The following FBXL17 variants were observed in gnomAD, a reference collection of about 807,000 sequenced individuals.
FBXL17 encodes F-box and leucine rich repeat protein 17.
In FBXL17, 22 loss-of-function variants were observed where a neutral mutation model predicts 66.2. The ratio of observed to expected loss-of-function variants is 0.33; its 90% confidence interval spans 0.24 to 0.47. FBXL17 has a LOEUF of 0.47. Ranked by LOEUF, FBXL17 falls within the 20% of genes least tolerant of loss-of-function variation. FBXL17 has a pLI of 1.00. For synonymous variants in FBXL17, 474 were observed against 400.5 expected (o/e 1.18, Z -2.19); for missense variants, 878 against 948.2 (o/e 0.93, Z 0.97).
intron 4 of FBXL17, among the ~76,000 whole-genome samples, chr5:108,240,830 C>T (rs981002786): frequency 3.9e-5 from 6 of 152,126 alleles, no homozygotes; most frequent in Non-Finnish European, 7.4e-5. Context: ...CTTGTGTCAC[C>T]CCTCCCCCAG....
In FBXL17 at chr5:108,371,536, A is replaced by G. The variant is rs192914150; in HGVS notation, c.994-3583T>C. Reference sequence around the variant, plus strand: ...GCTACAGTTTGCTGGCCCATTCACAAGAAAAAAGGAAATGAAAAGAAACTG... The same window carrying G: ...GCTACAGTTTGCTGGCCCATTCACAGGAAAAAAGGAAATGAAAAGAAACTG... On this transcript the variant is annotated intron_variant, in intron 1 of 8. Transcript: ENST00000542267. Among the ~76,000 whole-genome samples, 1,414 of 152,318 alleles carry G rather than the reference A, an allele frequency of 9.3e-3. 13 individuals are homozygous for G. The highest frequency in any genetic ancestry group is 0.013 in the Non-Finnish European group (907 of 68,032).
chr5:108,102,933 G>T (rs940355103), intron 6 of FBXL17, among the ~76,000 whole-genome samples: 7 of 152,028 alleles, frequency 4.6e-5, no homozygotes, highest in African/African-American at 1.7e-4. Flanking sequence ...ACACTGTAAA[G>T]CATAGTTGAC....
intron 6 of FBXL17, among the ~76,000 whole-genome samples, chr5:108,140,142 C>G (rs1751295972): frequency 6.6e-6 from 1 of 152,060 alleles, no homozygotes; most frequent in Non-Finnish European, 1.5e-5. Flanking sequence ...GCCTCCTGGG[C>G]TCAAGCAATC....
chr5:108,117,378 C>T lies in FBXL17; in HGVS notation c.1745+68739G>A, dbSNP rs557113221. 1.6e-4 allele frequency among the ~76,000 whole-genome samples: 24 copies of T among 152,048 alleles called. No individual in the cohort carries two copies. The South Asian group carries it at 4.8e-3, about 30-fold the overall frequency. ...GTTTAATAGAATTTAGTCTCTCAAA[C>T]GTATAAGCTAACTGATTGCTAATTA... On this transcript the variant is annotated intron_variant, in intron 6 of 8. Coordinates refer to ENST00000542267, the MANE Select transcript of FBXL17 (RefSeq NM_001163315.3).
intron 8 of FBXL17, 68 bp from the exon 9 acceptor site, chr5:107,861,928 T>C: frequency 7.2e-7 from 1 of 1,384,768 alleles, no homozygotes; most frequent in Non-Finnish European, 9.5e-7. Flanking sequence ...CCACGCTCAC[T>C]GATGTGCTGC....
At chr5:107,942,126 T>C (rs1751124842) in intron 7 of FBXL17, among the ~76,000 whole-genome samples, 1 of 152,182 alleles carries the variant, frequency 6.6e-6, no homozygotes, top group Non-Finnish European at 1.5e-5. Flanking sequence ...CGTACACAGC[T>C]GGATGTAGGC....
At chr5:108,159,434 G>A (rs966995602) in intron 6 of FBXL17, among the ~76,000 whole-genome samples, 1 of 152,170 alleles carries the variant, frequency 6.6e-6, no homozygotes, top group Non-Finnish European at 1.5e-5. Flanking sequence ...ATGGTATTGG[G>A]AGATGGGGCC....
chr5:107,888,916 G>C (rs987269685), intron 7 of FBXL17, among the ~76,000 whole-genome samples: 11 of 152,142 alleles, frequency 7.2e-5, no homozygotes, highest in African/African-American at 2.7e-4. Flanking sequence ...AACTGCTAAA[G>C]TGTTTTCCCA....
At chr5:108,354,985 G>T (rs1009441096) in intron 3 of FBXL17, among the ~76,000 whole-genome samples, 5 of 151,932 alleles carry the variant, frequency 3.3e-5, no homozygotes, top group African/African-American at 1.2e-4. Context: ...GAGGGAATTT[G>T]TTGCCACTAG....
chr5:108,218,425 T>C (rs929218933), intron 5 of FBXL17, among the ~76,000 whole-genome samples: 1 of 152,186 alleles, frequency 6.6e-6, no homozygotes, highest in Non-Finnish European at 1.5e-5. Context: ...TGATTTTATA[T>C]CCTTTGGATA....
chr5:107,979,680 G>A (rs1208375193), intron 7 of FBXL17, among the ~76,000 whole-genome samples: 1 of 152,128 alleles, frequency 6.6e-6, no homozygotes, highest in Non-Finnish European at 1.5e-5. Context: ...TATTATAGGG[G>A]CTTGATTATT....
At chr5:107,910,040 A>C (rs1454099782) in intron 7 of FBXL17, among the ~76,000 whole-genome samples, 1 of 151,984 alleles carries the variant, frequency 6.6e-6, no homozygotes, top group Non-Finnish European at 1.5e-5. Context: ...CACTGAACTA[A>C]AGTGACTTCA....
chr5:107,996,036 C>G (rs1753457453), intron 7 of FBXL17, among the ~76,000 whole-genome samples: 1 of 140,124 alleles, frequency 7.1e-6, no homozygotes, highest in Non-Finnish European at 1.5e-5. Flanking sequence ...GAAGCAACCA[C>G]TTAATTTTAT....
intron 7 of FBXL17, among the ~76,000 whole-genome samples, chr5:107,887,707 C>T (rs1038809118): frequency 8.5e-5 from 13 of 152,184 alleles, no homozygotes; most frequent in Non-Finnish European, 1.6e-4. Context: ...CCCTCCACCC[C>T]GCAGGGACTA....
chr5:107,871,451 C>G (rs908524733), intron 8 of FBXL17, among the ~76,000 whole-genome samples: 10 of 152,164 alleles, frequency 6.6e-5, no homozygotes, highest in Non-Finnish European at 1.5e-4. Flanking sequence ...AGTCCAACAA[C>G]CAGACTGTCA....
In FBXL17 at chr5:108,359,260, T is replaced by C. The variant is rs144901509; in HGVS notation, c.1374+5478A>G. On this transcript the variant is annotated intron_variant, in intron 3 of 8. Coordinates refer to ENST00000542267, the MANE Select transcript of FBXL17 (RefSeq NM_001163315.3). ...TTTAAAATCTTTTCGAAGAACCTAG[T>C]TTGGTTTTCAATAATTTTTTTCCAT... is the stretch of plus-strand genomic sequence containing the variant. 6.6e-3 allele frequency among the ~76,000 whole-genome samples: 1,003 copies of C among 152,234 alleles called. 19 individuals carry two copies. The highest frequency in any genetic ancestry group is 0.023 in the African/African-American group (957 of 41,552).
chr5:108,007,710 A>AT (rs890668895), intron 7 of FBXL17, among the ~76,000 whole-genome samples: 1 of 152,130 alleles, frequency 6.6e-6, no homozygotes, highest in Non-Finnish European at 1.5e-5. Flanking sequence ...TAAAAAGTAT[A>AT]TTTTTTCATA....
At chr5:107,892,560 A>G (rs1475121469) in intron 7 of FBXL17, among the ~76,000 whole-genome samples, 1 of 152,168 alleles carries the variant, frequency 6.6e-6, no homozygotes. Flanking sequence ...TCCCAGAGTA[A>G]AACTAAGAAC....
intron 1 of FBXL17, among the ~76,000 whole-genome samples, chr5:108,377,030 A>G (rs73216354): frequency 0.017 from 2,573 of 152,234 alleles, 72 homozygotes; most frequent in African/African-American, 0.057. Context: ...TAATTCACAT[A>G]TATATGTTTT....
Sources: gnomAD v4.1 joint callset for allele counts (sites outside exome capture counted in the v4.1 genomes callset) on GRCh38, gnomAD v4.1.1 for gene constraint, MANE v1.5 for transcripts, NCBI Gene and HGNC (gene_info 2026-07-23, HGNC 2026-07-21) for gene names.